The following GHR variants were observed in gnomAD, a reference collection of about 807,000 sequenced individuals.
The protein encoded by GHR is GH receptor.
Under a neutral mutation model 67.1 loss-of-function variants are expected in GHR, and 35 were observed. That is an observed-to-expected ratio of 0.52 (90% CI 0.40 to 0.69). The LOEUF (loss-of-function observed/expected upper bound fraction) is 0.69, where lower values mean the gene tolerates loss of function less well. Ranked by LOEUF, GHR falls within the 30% of genes least tolerant of loss-of-function variation. The pLI is 0.00. For synonymous variants in GHR, 272 were observed against 269.1 expected, an observed-to-expected ratio of 1.01 and a Z score of -0.10; for missense variants, 792 against 764.6, an observed-to-expected ratio of 1.04 and a Z score of -0.42.
chr5:42,436,343 T>C (rs968923554), intron 1 of GHR, among the ~76,000 whole-genome samples: 17 of 152,212 alleles, frequency 1.1e-4, no homozygotes, highest in African/African-American at 4.1e-4. Context: ...TTAACCCCTA[T>C]TCTTGGTGTC....
intron 1 of GHR, chr5:42,465,370 T>G: frequency 1.0e-6 from 1 of 986,540 alleles, no homozygotes; most frequent in South Asian, 1.4e-5. Flanking sequence ...GAAAGTTAGG[T>G]TAAGGGTATA....
At chr5:42,637,051 T>C (rs1754230818) in intron 3 of GHR, among the ~76,000 whole-genome samples, 1 of 152,202 alleles carries the variant, frequency 6.6e-6, no homozygotes, top group South Asian at 2.1e-4. Flanking sequence ...GTTTTTTTTC[T>C]TTAGGTCAAC....
At chr5:42,599,296 T>C (rs913538186) in intron 2 of GHR, among the ~76,000 whole-genome samples, 10 of 151,460 alleles carry the variant, frequency 6.6e-5, no homozygotes, top group Admixed American at 2.6e-4. Context: ...ATCACAGAAG[T>C]CATAAACTGA....
chr5:42,688,846 G>T, intron 3 of GHR, 44 bp from the exon 4 acceptor site: 1 of 1,595,294 alleles, frequency 6.3e-7, no homozygotes, highest in South Asian at 1.1e-5. Context: ...GATCACATAT[G>T]ACTCACCTGA....
chr5:42,703,001 T>C (rs894568684), intron 6 of GHR, among the ~76,000 whole-genome samples: 2 of 152,086 alleles, frequency 1.3e-5, no homozygotes, highest in African/African-American at 2.4e-5. Context: ...TCCCATTCCA[T>C]AGAGTGTCTT....
chr5:42,668,080 C>G (rs1756085774), intron 3 of GHR, among the ~76,000 whole-genome samples: 1 of 152,060 alleles, frequency 6.6e-6, no homozygotes, highest in Non-Finnish European at 1.5e-5. Context: ...CTCACTGCAC[C>G]TAAAGAGTGC....
rs571737256 is a variant in GHR, at chr5:42,565,561, G to C, written c.-11-303G>C. ...CCTTACTGGCCCTGTTACTGAAGCT[G>C]TGCATGGGGGTCGTTTGCTGTGAGG... On this transcript the variant is annotated intron_variant, in intron 1 of 9. Transcript: ENST00000230882. 3 of 985,280 alleles carry C rather than the reference G, an allele frequency of 3.0e-6. No individual in the cohort carries two copies. The African/African-American group carries it at 5.2e-5, about 17-fold the overall frequency. The allele number at this position is 985,280 out of a possible 1,614,324, so 61.0% of individuals were successfully genotyped here. A position where few individuals can be genotyped will look rare whatever the true frequency, so the allele number is the denominator to read the frequency against.
chr5:42,439,518 C>T (rs948953274), intron 1 of GHR, among the ~76,000 whole-genome samples: 1 of 152,110 alleles, frequency 6.6e-6, no homozygotes, highest in Non-Finnish European at 1.5e-5. Flanking sequence ...ATGACTTGGA[C>T]TTTGATTAAT....
chr5:42,478,179 A>AGATCAGAT (rs1202627847), intron 1 of GHR, among the ~76,000 whole-genome samples: 1 of 152,212 alleles, frequency 6.6e-6, no homozygotes, highest in African/African-American at 2.4e-5. Flanking sequence ...GGTTTGTCAA[A>AGATCAGAT]GATCAGATAG....
intron 4 of GHR, among the ~76,000 whole-genome samples, chr5:42,694,388 C>A (rs1177171066): frequency 6.6e-6 from 1 of 152,080 alleles, no homozygotes; most frequent in East Asian, 1.9e-4. Flanking sequence ...AATTAGGGGA[C>A]CACATCTTAC....
intron 1 of GHR, among the ~76,000 whole-genome samples, chr5:42,425,226 T>C (rs1742800703): frequency 6.6e-6 from 1 of 152,122 alleles, no homozygotes; most frequent in South Asian, 2.1e-4. Flanking sequence ...TATGTGTGAG[T>C]ACAGAACTTC....
At chr5:42,429,133 C>G (rs1412925349) in intron 1 of GHR, among the ~76,000 whole-genome samples, 1 of 152,214 alleles carries the variant, frequency 6.6e-6, no homozygotes, top group Non-Finnish European at 1.5e-5. Flanking sequence ...AATGGTCGCA[C>G]AGTTCCACAT....
intron 2 of GHR, among the ~76,000 whole-genome samples, chr5:42,605,239 G>A (rs940158727): frequency 6.6e-6 from 1 of 151,744 alleles, no homozygotes; most frequent in Admixed American, 6.6e-5. Context: ...GAGTAGCTGG[G>A]ATTACAGGCA....
At chr5:42,626,754 C>T (rs1006856985) in intron 2 of GHR, among the ~76,000 whole-genome samples, 5 of 152,158 alleles carry the variant, frequency 3.3e-5, no homozygotes, top group Non-Finnish European at 5.9e-5. Context: ...TGTCAAGAAA[C>T]GGAGACAAGG....
chr5:42,704,183 G>A (rs1200834533), intron 6 of GHR, among the ~76,000 whole-genome samples: 2 of 151,886 alleles, frequency 1.3e-5, no homozygotes, highest in African/African-American at 4.8e-5. Context: ...TGTTTATTAT[G>A]ATGTGAGTTT....
At chr5:42,599,360 T>A (rs1223298703) in intron 2 of GHR, among the ~76,000 whole-genome samples, 2 of 135,756 alleles carry the variant, frequency 1.5e-5, no homozygotes, top group East Asian at 4.0e-4. Context: ...ACAGCACATT[T>A]TTTTTTTTTT....
At chr5:42,693,046 T>TACACAC (rs373487738) in intron 4 of GHR, among the ~76,000 whole-genome samples, 1 of 151,246 alleles carries the variant, frequency 6.6e-6, no homozygotes, top group Non-Finnish European at 1.5e-5. Context: ...CACACATACT[T>TACACAC]ACACACACAC....
intron 2 of GHR, among the ~76,000 whole-genome samples, chr5:42,592,743 T>C (rs1211149644): frequency 2.0e-5 from 3 of 151,184 alleles, no homozygotes; most frequent in Admixed American, 6.6e-5. Context: ...TGTGTCTTTA[T>C]GGTAGAGCAG....
intron 2 of GHR, among the ~76,000 whole-genome samples, chr5:42,593,030 T>G (rs927409095): frequency 6.6e-6 from 1 of 152,210 alleles, no homozygotes; most frequent in Non-Finnish European, 1.5e-5. Context: ...ATTTTCCATG[T>G]GTATGACTTC....
Sources: gnomAD v4.1 joint callset for allele counts (sites outside exome capture counted in the v4.1 genomes callset) on GRCh38, gnomAD v4.1.1 for gene constraint, MANE v1.5 for transcripts, NCBI Gene and HGNC (gene_info 2026-07-23, HGNC 2026-07-21) for gene names.